Variants in MGAT5B observed in about 807,000 individuals in gnomAD.
MGAT5B encodes alpha-1,6-mannosylglycoprotein 6-beta-N-acetylglucosaminyltransferase B, also known as N-acetylglucosaminyl-transferase Vb.
In MGAT5B, 54 loss-of-function variants were observed where a neutral mutation model predicts 95.1. That is an observed-to-expected ratio of 0.57 (90% confidence interval 0.46 to 0.71). The LOEUF is 0.71. Ranked by LOEUF, MGAT5B falls within the 30% of genes least tolerant of loss-of-function variation. The pLI is 0.00. For missense variants in MGAT5B, 935 were observed against 1,088.6 expected, an observed-to-expected ratio of 0.86 and a Z score of 1.99; for synonymous variants, 464 against 451.0, an observed-to-expected ratio of 1.03 and a Z score of -0.36.
chr17:76,878,990 G>C (rs1024027246), intron 2 of MGAT5B, among the ~76,000 whole-genome samples: 1 of 132,158 alleles, frequency 7.6e-6, no homozygotes, highest in Non-Finnish European at 1.7e-5. Context: ...CTGGAGTCCA[G>C]GCTTCTGCCC....
chr17:76,914,660 G>A lies in MGAT5B; in HGVS notation c.1025+8473G>A, dbSNP rs555056116. 1.2e-3 allele frequency among the ~76,000 whole-genome samples: 174 copies of A among 141,364 alleles called. No homozygotes were observed. The highest frequency in any genetic ancestry group is 4.9e-3 in the African/African-American group (166 of 33,878). 92.7% of individuals were successfully genotyped at this position (141,364 alleles called of 152,430 possible). On this transcript the variant is annotated intron_variant, in intron 8 of 17. Transcript: ENST00000569840. The surrounding 1 kb of genome is among the most constrained non-coding windows in gnomAD (Gnocchi z 5.1). ...CTTCTTCCTCTTTTTTTTTTTTTGA[G>A]ACAGAGTCTTGCCCTGTCCCCCAGC...
chr17:76,945,100 C>T (rs990775316), intron 15 of MGAT5B, among the ~76,000 whole-genome samples: 4 of 152,028 alleles, frequency 2.6e-5, no homozygotes, highest in Admixed American at 1.3e-4. Context: ...ATTTTCTCCA[C>T]GGTGGCTCTG....
rs3044689 is a variant in MGAT5B at position 76,918,182 on chromosome 17, T to TCCC, written c.1026-6779_1026-6777dup. On this transcript the variant is annotated intron_variant, in intron 8 of 17. Transcript: ENST00000569840. This position sits in a 1 kb window ranked among gnomAD's most constrained non-coding sequence, Gnocchi z 5.1. ...CTCCCTCAGTTTCCCTTTCGGAGGC[T>TCCC]CCCCCCCAACAACTGCACGCCTTGT... is the stretch of plus-strand genomic sequence containing the variant. 1.7e-4 allele frequency among the ~76,000 whole-genome samples: 26 copies of TCCC among 151,610 alleles called. No homozygotes were observed. In the East Asian group the frequency reaches 4.3e-3, roughly 25 times the overall value.
Position 76,912,492 on chromosome 17 carries a change from T to C in MGAT5B, c.1025+6305T>C, listed in dbSNP as rs1968775569. ...GTCTCCCTTGGCTGGCGAAATGACC[T>C]GCGTGGGAGGCGGTGGGACAAAGAC... On this transcript the variant is annotated intron_variant, in intron 8 of 17. Transcript: ENST00000569840. This position sits in a 1 kb window ranked among gnomAD's most constrained non-coding sequence, Gnocchi z 5.0. Among the ~76,000 whole-genome samples, 2 of 152,216 alleles carry C rather than the reference T, an allele frequency of 1.3e-5. No homozygotes were observed. The highest frequency in any genetic ancestry group is 6.5e-5 in the Admixed American group (1 of 15,284).
rs1967521162 is a variant in MGAT5B at position 76,883,843 on chromosome 17, C to T, written c.329+1545C>T. ...GGTGAAACAGAAGAAAATGATGACC[C>T]ACAGGAGGTCACTGTGCCCGTGGGA... On this transcript the variant is annotated intron_variant, in intron 3 of 17. Transcript: ENST00000569840. Among the ~76,000 whole-genome samples, 5 of 152,212 alleles carry T rather than the reference C, an allele frequency of 3.3e-5. No individual in the cohort carries two copies. The South Asian group carries it at 6.2e-4, about 19-fold the overall frequency.
At chr17:76,926,526 C>G in intron 9 of MGAT5B, 71 bp from the exon 10 acceptor site, 1 of 1,488,346 alleles carries the variant, frequency 6.7e-7, no homozygotes, top group South Asian at 1.3e-5. Flanking sequence ...GTGCTCGTGG[C>G]TGGGGCAACT....
At position 76,924,957 on chromosome 17, in the gene MGAT5B, TTC is replaced by T; in HGVS notation, c.1026-4_1026-3del. On this transcript the variant is annotated splice_polypyrimidine_tract_variant and splice_region_variant and intron_variant, in intron 8 of 17. Coordinates refer to ENST00000569840, the MANE Select transcript of MGAT5B (RefSeq NM_001199172.2). ...TTGGGGCCCAGAATCTGAAGGGCTCTTCTCTCAGTAACTTAGGGGTACCGCCA... is the reference window on the plus strand; with the variant it reads ...TTGGGGCCCAGAATCTGAAGGGCTCTTCTCAGTAACTTAGGGGTACCGCCA... The T allele has an allele frequency of 1.2e-6, 2 of 1,611,998 alleles. No individual in the cohort carries two copies. Among genetic ancestry groups the T allele is most frequent in the South Asian group, 2.2e-5 (2 of 91,070 alleles).
At chr17:76,877,329 TAAAAAAAAA>T (rs34612127) in intron 2 of MGAT5B, among the ~76,000 whole-genome samples, 1 of 111,230 alleles carries the variant, frequency 9.0e-6, no homozygotes, top group Admixed American at 9.6e-5. Flanking sequence ...TGTCTCGGCT[TAAAAAAAAA>T]AAAAAAAAAA....
At chr17:76,903,210 G>A (rs1158450257) in intron 4 of MGAT5B, 93 bp from the exon 5 acceptor site, 28 of 929,178 alleles carry the variant, frequency 3.0e-5, no homozygotes, top group South Asian at 8.5e-5. Flanking sequence ...GCCTGGCAGC[G>A]GATTGTGTGG....
Position 76,875,007 on chromosome 17 carries a change from A to G in MGAT5B, c.181+2044A>G, listed in dbSNP as rs1967135535. 3.3e-5 allele frequency among the ~76,000 whole-genome samples: 5 copies of G among 152,168 alleles called. No individual in the cohort carries two copies. The South Asian group carries it at 6.2e-4, about 19-fold the overall frequency. Reference sequence around the variant, plus strand: ...TAAACTTTTTAATGGGGTATCATATACACAAATGAACAATCCATGCAACTA... The same window carrying G: ...TAAACTTTTTAATGGGGTATCATATGCACAAATGAACAATCCATGCAACTA... On this transcript the variant is annotated intron_variant, in intron 2 of 17. Coordinates refer to ENST00000569840, the MANE Select transcript of MGAT5B (RefSeq NM_001199172.2).
At chr17:76,909,036 A>G (rs1169877917) in intron 8 of MGAT5B, among the ~76,000 whole-genome samples, 1 of 151,852 alleles carries the variant, frequency 6.6e-6, no homozygotes, top group Non-Finnish European at 1.5e-5. Context: ...CGAACTCCTG[A>G]CCTCAGGTGA....
intron 3 of MGAT5B, among the ~76,000 whole-genome samples, chr17:76,884,497 G>A (rs1005063559): frequency 1.3e-5 from 2 of 152,062 alleles, no homozygotes; most frequent in South Asian, 2.1e-4. Flanking sequence ...GCAGTGGCAC[G>A]GTCTCGGGTC....
intron 3 of MGAT5B, among the ~76,000 whole-genome samples, chr17:76,899,218 G>A (rs973806482): frequency 9.2e-5 from 14 of 152,192 alleles, no homozygotes; most frequent in Admixed American, 6.5e-4. Context: ...CTGGTTAGAA[G>A]GTAGGACAGG....
At chr17:76,898,137 G>A (rs187201845) in intron 3 of MGAT5B, among the ~76,000 whole-genome samples, 1 of 152,028 alleles carries the variant, frequency 6.6e-6, no homozygotes, top group African/African-American at 2.4e-5. Context: ...TTTTGATGGA[G>A]TTTTACATAT....
At chr17:76,933,515 G>A (rs895933559) in intron 12 of MGAT5B, among the ~76,000 whole-genome samples, 2 of 152,144 alleles carry the variant, frequency 1.3e-5, no homozygotes, top group African/African-American at 2.4e-5. Context: ...GGCAAGTCCT[G>A]GGAGGTCAAG....
In MGAT5B at chr17:76,905,073, C is replaced by A. The variant is rs958728195; in HGVS notation, c.691-96C>A. Reference sequence around the variant, plus strand: ...CAGGAGAAGCTGGAGCAGGCCCCAGCCTCATGGGAGGGTGCCAGCCCCTGT... The same window carrying A: ...CAGGAGAAGCTGGAGCAGGCCCCAGACTCATGGGAGGGTGCCAGCCCCTGT... On this transcript the variant is annotated intron_variant, in intron 6 of 17. Transcript: ENST00000569840. This position sits in a 1 kb window ranked among gnomAD's most constrained non-coding sequence, Gnocchi z 4.2. 3 of 1,346,902 alleles carry A rather than the reference C, an allele frequency of 2.2e-6. No individual in the cohort carries two copies. The highest frequency in any genetic ancestry group is 1.0e-6 in the Non-Finnish European group (1 of 998,114). 83.4% of individuals were successfully genotyped at this position (1,346,902 alleles called of 1,614,324 possible).
chr17:76,911,643 G>A (rs1968741795), intron 8 of MGAT5B, among the ~76,000 whole-genome samples: 1 of 152,200 alleles, frequency 6.6e-6, no homozygotes, highest in South Asian at 2.1e-4. Context: ...TAGTTGGCGG[G>A]GTCAGTGACA....
At chr17:76,897,129 C>T (rs1317042141) in intron 3 of MGAT5B, among the ~76,000 whole-genome samples, 1 of 152,124 alleles carries the variant, frequency 6.6e-6, no homozygotes, top group African/African-American at 2.4e-5. Context: ...GTTGCTCAGG[C>T]TGGTCTCGAA....
rs1368055996 is a variant in MGAT5B, at chr17:76,868,900, G to T, written c.-130G>T. 18 of 779,450 alleles carry T rather than the reference G, an allele frequency of 2.3e-5. No individual in the cohort carries two copies. Among genetic ancestry groups the T allele is most frequent in the Admixed American group, 1.3e-4 (4 of 29,878 alleles). The allele number at this position is 779,450 out of a possible 1,614,324, so 48.3% of individuals were successfully genotyped here. A position where few individuals can be genotyped will look rare whatever the true frequency, so the allele number is the denominator to read the frequency against. On this transcript the variant is annotated 5_prime_UTR_variant, in exon 1 of 18. Coordinates refer to ENST00000569840, the MANE Select transcript of MGAT5B (RefSeq NM_001199172.2). This position sits in a 1 kb window ranked among gnomAD's most constrained non-coding sequence, Gnocchi z 6.3. ...GCCTGAGCAGCGAGGCCACCGGGCC[G>T]CGCGCTCCCAGCTTCGCTCGGACGC...
Sources: gnomAD v4.1 joint callset for allele counts (sites outside exome capture counted in the v4.1 genomes callset) on GRCh38, gnomAD v4.1.1 for gene constraint, Gnocchi (gnomAD v3.1) non-coding constraint, MANE v1.5 for transcripts, NCBI Gene and HGNC (gene_info 2026-07-23, HGNC 2026-07-21) for gene names.